Variants in ARHGAP28 observed in about 807,000 individuals in gnomAD.
ARHGAP28 encodes the protein Rho GTPase activating protein 28, also known as rho GTPase-activating protein 28.
Under a neutral mutation model 90.7 loss-of-function variants are expected in ARHGAP28, and 56 were observed. The ratio of observed to expected loss-of-function variants is 0.62; its 90% CI spans 0.50 to 0.77. The LOEUF (loss-of-function observed/expected upper bound fraction) is 0.77. Among genes scored for constraint, ARHGAP28 ranks in the 30% least tolerant of loss-of-function variants. The pLI is 0.00. For missense variants in ARHGAP28, 869 were observed against 900.9 expected, an observed-to-expected ratio of 0.96 and a Z score of 0.45; for synonymous variants, 308 against 323.3, an observed-to-expected ratio of 0.95 and a Z score of 0.51.
At chr18:6,753,585 T>G (rs955431599) in intron 1 of ARHGAP28, among the ~76,000 whole-genome samples, 4 of 152,248 alleles carry the variant, frequency 2.6e-5, no homozygotes, top group African/African-American at 9.6e-5. Flanking sequence ...TAGTGTGAAA[T>G]TTGAATTTGA....
intron 11 of ARHGAP28, among the ~76,000 whole-genome samples, chr18:6,884,797 A>C (rs980095400): frequency 7.2e-5 from 11 of 152,144 alleles, no homozygotes; most frequent in African/African-American, 2.7e-4. Context: ...GTTTTTTGGT[A>C]GTTTGAATTA....
In ARHGAP28 at chr18:6,820,233, A is replaced by C. The variant is rs184356001; in HGVS notation, c.123-4529A>C. On this transcript the variant is annotated intron_variant, in intron 1 of 17. Transcript: ENST00000383472. The stretch of plus-strand genomic sequence containing the variant: ...TCAACAGAGAAACTGAATCTCTAAA[A>C]AGAACTAATTGGATATTCTTGATAT... Among the ~76,000 whole-genome samples, 7 of 152,326 alleles carry C rather than the reference A, an allele frequency of 4.6e-5. No homozygotes were observed. The East Asian group carries it at 1.2e-3, about 25-fold the overall frequency.
At chr18:6,838,778 C>G (rs2056773868) in intron 3 of ARHGAP28, among the ~76,000 whole-genome samples, 1 of 152,150 alleles carries the variant, frequency 6.6e-6, no homozygotes. Context: ...GCTATTTGGA[C>G]TTTCAACCTA....
chr18:6,832,394 G>A (rs995641553), intron 2 of ARHGAP28, among the ~76,000 whole-genome samples: 1 of 151,898 alleles, frequency 6.6e-6, no homozygotes, highest in Non-Finnish European at 1.5e-5. Context: ...TTAGTGTGGT[G>A]TTCTGTAAAT....
rs151042536 is a variant in ARHGAP28, at chr18:6,757,350, T to G, written c.122+27407T>G. 7.5e-3 allele frequency among the ~76,000 whole-genome samples: 1,137 copies of G among 151,956 alleles called. 10 individuals carry two copies. The highest frequency in any genetic ancestry group is 0.026 in the African/African-American group (1,076 of 41,464). The stretch of plus-strand genomic sequence containing the variant: ...TGTTTAGAGAAAGAAGGGAAACAAA[T>G]GAAATAAAGCAAAAGAACCAAAATG... On this transcript the variant is annotated intron_variant, in intron 1 of 17. Coordinates refer to ENST00000383472, the MANE Select transcript of ARHGAP28 (RefSeq NM_001366230.1).
At chr18:6,822,463 A>G (rs2056633121) in intron 1 of ARHGAP28, among the ~76,000 whole-genome samples, 1 of 152,160 alleles carries the variant, frequency 6.6e-6, no homozygotes, top group East Asian at 1.9e-4. Flanking sequence ...GCAAAAGGAA[A>G]AAGTCTTCAA....
intron 1 of ARHGAP28, among the ~76,000 whole-genome samples, chr18:6,732,631 T>C (rs960056798): frequency 5.3e-5 from 8 of 152,212 alleles, no homozygotes. Context: ...CCTTCAACAT[T>C]GAGGCAGTTT....
intron 1 of ARHGAP28, chr18:6,791,678 T>C (rs1480183799): frequency 1.3e-5 from 2 of 152,140 alleles, no homozygotes; most frequent in Admixed American, 1.3e-4. Flanking sequence ...ATGGTGAGTA[T>C]TTGAACAAAA....
At chr18:6,734,249 A>G (rs910524750) in intron 1 of ARHGAP28, among the ~76,000 whole-genome samples, 8 of 152,232 alleles carry the variant, frequency 5.3e-5, no homozygotes, top group African/African-American at 1.9e-4. Flanking sequence ...TTTCACTGAT[A>G]AAATGAAACG....
intron 1 of ARHGAP28, among the ~76,000 whole-genome samples, chr18:6,779,359 G>A (rs2056307422): frequency 6.6e-6 from 1 of 152,164 alleles, no homozygotes; most frequent in African/African-American, 2.4e-5. Flanking sequence ...GAATTTACCT[G>A]GTAGAGAAAG....
At chr18:6,769,703 T>C (rs2143396437) in intron 1 of ARHGAP28, among the ~76,000 whole-genome samples, 1 of 152,312 alleles carries the variant, frequency 6.6e-6, no homozygotes, top group South Asian at 2.1e-4. Flanking sequence ...TTCCTGCTAT[T>C]AGGTTATCTT....
At chr18:6,868,100 G>T in intron 5 of ARHGAP28, 50 bp from the exon 6 acceptor site, 2 of 1,440,024 alleles carry the variant, frequency 1.4e-6, no homozygotes, top group South Asian at 2.3e-5. Flanking sequence ...ATGTGAGGTG[G>T]ACTGTATTTA....
chr18:6,762,094 C>G (rs575480484), intron 1 of ARHGAP28, among the ~76,000 whole-genome samples: 1 of 152,292 alleles, frequency 6.6e-6, no homozygotes, highest in South Asian at 2.1e-4. Context: ...ACCAATCACC[C>G]CATTGATTAG....
At chr18:6,783,296 G>A (rs1341862844) in intron 1 of ARHGAP28, among the ~76,000 whole-genome samples, 1 of 150,284 alleles carries the variant, frequency 6.7e-6, no homozygotes, top group African/African-American at 2.4e-5. Flanking sequence ...TGTTTTAAGG[G>A]TATTTACTTT....
In ARHGAP28 at chr18:6,735,555, GTTT is replaced by G. The variant is rs35656127; in HGVS notation, c.122+5627_122+5629del. Reference sequence around the variant, plus strand: ...CTCATGATTAAATTAAGGTTATGCTGTTTTTTTTTTTTTTTTTGAGCCAAGGTC... The same window carrying G: ...CTCATGATTAAATTAAGGTTATGCTGTTTTTTTTTTTTTTGAGCCAAGGTC... On this transcript the variant is annotated intron_variant, in intron 1 of 17. Transcript: ENST00000383472. Among the ~76,000 whole-genome samples the G allele has an allele frequency of 1.8e-3, 244 of 135,802 alleles. 1 individual carries two copies. Among genetic ancestry groups the G allele is most frequent in the African/African-American group, 6.3e-3 (232 of 36,948 alleles). The allele number at this position is 135,802 out of a possible 152,430, so 89.1% of individuals were successfully genotyped here. A position where few individuals can be genotyped will look rare whatever the true frequency, so the allele number is the denominator to read the frequency against.
chr18:6,880,910 A>C (rs1381936590), intron 10 of ARHGAP28, among the ~76,000 whole-genome samples: 2 of 152,230 alleles, frequency 1.3e-5, no homozygotes, highest in East Asian at 3.8e-4. Flanking sequence ...AGCCCACTCT[A>C]TCTCTTTCAT....
At chr18:6,824,655 C>G in intron 1 of ARHGAP28, 107 bp from the exon 2 acceptor site, 2 of 1,011,462 alleles carry the variant, frequency 2.0e-6, no homozygotes, top group Non-Finnish European at 2.8e-6. Context: ...CTCCACTTCT[C>G]CATTTGATTT....
In ARHGAP28 at chr18:6,839,597, A is replaced by C. The variant is rs529108686; in HGVS notation, c.543+2183A>C. On this transcript the variant is annotated intron_variant, in intron 3 of 17. Transcript: ENST00000383472. Reference sequence around the variant, plus strand: ...CAGGCGTGAGCCACTGCGCCCGGCCATAATTTTTTTAGATTAAGAGTTAGT... The same window carrying C: ...CAGGCGTGAGCCACTGCGCCCGGCCCTAATTTTTTTAGATTAAGAGTTAGT... 5.5e-4 allele frequency among the ~76,000 whole-genome samples: 84 copies of C among 152,282 alleles called. 2 individuals carry two copies. In the South Asian group the frequency reaches 0.011, roughly 19 times the overall value.
intron 14 of ARHGAP28, among the ~76,000 whole-genome samples, chr18:6,891,397 T>C (rs889434568): frequency 3.5e-4 from 54 of 152,194 alleles, no homozygotes; most frequent in African/African-American, 1.3e-3. Context: ...CCCAAGTAGC[T>C]GGGACTACAG....
Sources: allele counts gnomAD v4.1 joint callset (sites outside exome capture counted in the v4.1 genomes callset), GRCh38; gene constraint gnomAD v4.1.1; transcripts MANE v1.5; gene names NCBI Gene and HGNC (gene_info 2026-07-23, HGNC 2026-07-21).